SMARCC1: variants seen among roughly 807,000 people sequenced by gnomAD.
SMARCC1 encodes SWI/SNF complex subunit SMARCC1.
A neutral mutation model predicts 147.4 loss-of-function variants in SMARCC1; 43 were observed. The ratio of observed to expected loss-of-function variants is 0.29; its 90% confidence interval spans 0.23 to 0.38. SMARCC1 has a LOEUF of 0.38. SMARCC1 is among the 10% of genes least tolerant of loss of function. The probability of loss-of-function intolerance (pLI) is 1.00; values close to 1 mark genes in which losing one functional copy is unlikely to be tolerated. For missense variants in SMARCC1, 1,119 were observed against 1,381.1 expected (o/e 0.81, Z 3.01); for synonymous variants, 495 against 484.4 (o/e 1.02, Z -0.29).
chr3:47,736,805 T>C (rs1295807304), intron 4 of SMARCC1, among the ~76,000 whole-genome samples: 1 of 152,158 alleles, frequency 6.6e-6, no homozygotes, highest in African/African-American at 2.4e-5. Context: ...TATCCAATTG[T>C]TTCCCTAGCT....
intron 2 of SMARCC1, among the ~76,000 whole-genome samples, chr3:47,747,098 C>T (rs1249201701): frequency 1.3e-5 from 2 of 151,858 alleles, no homozygotes; most frequent in Non-Finnish European, 2.9e-5. Flanking sequence ...GAGTCTGAGA[C>T]CAGCTTGGGC....
intron 1 of SMARCC1, among the ~76,000 whole-genome samples, chr3:47,775,943 T>A (rs2034969796): frequency 6.7e-6 from 1 of 150,246 alleles, no homozygotes; most frequent in Non-Finnish European, 1.5e-5. Context: ...AGGTCAGGAG[T>A]TCAAGACCAG....
chr3:47,695,220 G>C (rs1049136660), intron 11 of SMARCC1, among the ~76,000 whole-genome samples: 8 of 152,170 alleles, frequency 5.3e-5, no homozygotes, highest in African/African-American at 1.9e-4. Context: ...GTAAGTCCTA[G>C]CTACCAGGGA....
Position 47,588,284 on chromosome 3 carries a change from C to A in SMARCC1, c.3243G>T (p.Gln1081His), listed in dbSNP as rs76005272. ...NGMYPPPPQQQPPPPPPADGV... is the reference protein window; with the variant it reads ...NGMYPPPPQQHPPPPPPADGV... The stretch of plus-strand genomic sequence containing the variant: ...CATCTGCAGGTGGTGGTGGCGGTGG[C>A]TGCTGCTGTGGTGGAGGGGGATCTG... The change falls in exon 28 of 28, where the codon CAG (glutamine) becomes CAT (histidine). Residue 1081 changes from glutamine to histidine, a missense_variant. By Grantham distance (24) the Gln-to-His change is conservative. This residue lies in a region of SMARCC1 where 186 missense variants were observed against 216.5 expected (regional missense o/e 0.86). Coordinates refer to ENST00000254480, the MANE Select transcript of SMARCC1 (RefSeq NM_003074.4). 6.2e-7 allele frequency: 1 copy of A among 1,613,770 alleles called. No homozygotes were observed. Among genetic ancestry groups the A allele is most frequent in the Non-Finnish European group, 8.5e-7 (1 of 1,179,842 alleles).
At chr3:47,780,141 T>C (rs1191800734) in intron 1 of SMARCC1, among the ~76,000 whole-genome samples, 1 of 149,620 alleles carries the variant, frequency 6.7e-6, no homozygotes, top group East Asian at 2.0e-4. Context: ...AAAGAAATGA[T>C]CATTTCTGGG....
intron 2 of SMARCC1, among the ~76,000 whole-genome samples, chr3:47,770,810 A>G (rs1170091244): frequency 6.6e-6 from 1 of 152,248 alleles, no homozygotes; most frequent in East Asian, 1.9e-4. Flanking sequence ...CCACATCAAT[A>G]TATTTAACTA....
intron 3 of SMARCC1, among the ~76,000 whole-genome samples, chr3:47,743,812 CAAAA>C (rs35760519): frequency 1.3e-5 from 1 of 76,148 alleles, no homozygotes; most frequent in Non-Finnish European, 2.7e-5. Context: ...GACTATGTCT[CAAAA>C]AAAAAAAAAA....
At chr3:47,756,745 AAAGC>A (rs749334856) in intron 2 of SMARCC1, among the ~76,000 whole-genome samples, 7 of 152,304 alleles carry the variant, frequency 4.6e-5, no homozygotes, top group Non-Finnish European at 7.4e-5. Flanking sequence ...AATAGCAGCA[AAAGC>A]AAGTACTTGC....
intron 2 of SMARCC1, among the ~76,000 whole-genome samples, chr3:47,769,093 C>A (rs1269724537): frequency 6.6e-6 from 1 of 151,350 alleles, no homozygotes; most frequent in African/African-American, 2.4e-5. Context: ...CACCTGTAGT[C>A]CCAGCTACTG....
chr3:47,675,189 T>C (rs951935650), intron 18 of SMARCC1, among the ~76,000 whole-genome samples: 1 of 152,224 alleles, frequency 6.6e-6, no homozygotes, highest in Non-Finnish European at 1.5e-5. Context: ...GCAGTCGTTA[T>C]TAAACCTATC....
chr3:47,775,398 G>T (rs1318392192), intron 1 of SMARCC1, among the ~76,000 whole-genome samples: 1 of 149,844 alleles, frequency 6.7e-6, no homozygotes, highest in African/African-American at 2.4e-5. Flanking sequence ...CTGACCTCGT[G>T]ATTCGCCTGC....
chr3:47,641,055 T>C (rs1189300476), intron 21 of SMARCC1, among the ~76,000 whole-genome samples: 2 of 152,174 alleles, frequency 1.3e-5, no homozygotes, highest in African/African-American at 4.8e-5. Context: ...TTCTCAAAAA[T>C]CCTACAACAA....
At chr3:47,635,883 A>C in intron 23 of SMARCC1, 139 bp downstream of exon 23, 1 of 577,388 alleles carries the variant, frequency 1.7e-6, no homozygotes, top group Non-Finnish European at 3.0e-6. Context: ...ATCTGAATGA[A>C]ACTCAATTAC....
chr3:47,771,976 G>A (rs907370990), intron 2 of SMARCC1, among the ~76,000 whole-genome samples: 4 of 151,660 alleles, frequency 2.6e-5, no homozygotes, highest in African/African-American at 9.7e-5. Flanking sequence ...TAGCTATTCG[G>A]GAGTCTTGAG....
At chr3:47,639,393 T>C (rs1242135014) in intron 21 of SMARCC1, among the ~76,000 whole-genome samples, 1 of 152,134 alleles carries the variant, frequency 6.6e-6, no homozygotes, top group Non-Finnish European at 1.5e-5. Context: ...TTTTCTACAC[T>C]TTTAGGAACC....
At chr3:47,694,493 G>A (rs1210467397) in intron 11 of SMARCC1, among the ~76,000 whole-genome samples, 2 of 152,074 alleles carry the variant, frequency 1.3e-5, no homozygotes, top group African/African-American at 4.8e-5. Flanking sequence ...CCAGCTGCTC[G>A]GGAGGCTAAG....
chr3:47,762,484 G>A (rs2034784432), intron 2 of SMARCC1, among the ~76,000 whole-genome samples: 1 of 152,216 alleles, frequency 6.6e-6, no homozygotes, highest in Non-Finnish European at 1.5e-5. Flanking sequence ...TATGAACTGT[G>A]ACTCATCTAA....
intron 25 of SMARCC1, among the ~76,000 whole-genome samples, chr3:47,617,866 G>C (rs1559626682): frequency 1.3e-5 from 2 of 152,200 alleles, no homozygotes; most frequent in Non-Finnish European, 2.9e-5. Flanking sequence ...TGACCAACAG[G>C]ATGTGGCAGA....
chr3:47,776,838 G>A (rs958661643), intron 1 of SMARCC1, among the ~76,000 whole-genome samples: 3 of 151,470 alleles, frequency 2.0e-5, no homozygotes, highest in South Asian at 2.1e-4. Context: ...AAAATGGCGC[G>A]ATCTCAGCTC....
Sources: allele counts gnomAD v4.1 joint callset (sites outside exome capture counted in the v4.1 genomes callset), GRCh38; gene constraint gnomAD v4.1.1; regional missense constraint gnomAD v4.1.1; transcripts MANE v1.5; gene names NCBI Gene and HGNC (gene_info 2026-07-23, HGNC 2026-07-21).